Variants in MRPS35 observed in about 807,000 individuals in gnomAD.
The protein encoded by MRPS35 is small ribosomal subunit protein mS35.
In MRPS35, 29 loss-of-function variants were observed where a neutral mutation model predicts 32.7. The ratio of observed to expected loss-of-function variants is 0.89; its 90% CI spans 0.66 to 1.21. The LOEUF (loss-of-function observed/expected upper bound fraction) is 1.21, where lower values mean the gene tolerates loss of function less well. Ranked by LOEUF, MRPS35 falls within the 50% of genes most tolerant of loss-of-function variation. MRPS35 has a pLI of 0.00. For missense variants in MRPS35, 373 were observed against 383.8 expected, an observed-to-expected ratio of 0.97 and a Z score of 0.23; for synonymous variants, 148 against 139.3, an observed-to-expected ratio of 1.06 and a Z score of -0.44.
intron 7 of MRPS35, among the ~76,000 whole-genome samples, chr12:27,742,034 A>G (rs896532972): frequency 1.3e-5 from 2 of 152,200 alleles, no homozygotes; most frequent in Non-Finnish European, 2.9e-5. Context: ...AGGCTGGGGC[A>G]GGAGGATCTG....
chr12:27,742,934 G>A (rs1265744076), intron 7 of MRPS35, among the ~76,000 whole-genome samples: 1 of 151,960 alleles, frequency 6.6e-6, no homozygotes, highest in African/African-American at 2.4e-5. Flanking sequence ...ATAGCTCACT[G>A]CATGCAGCCT....
Position 27,751,282 on chromosome 12 carries a change from G to A in MRPS35, c.703-3899G>A, listed in dbSNP as rs369906790. On this transcript the variant is annotated intron_variant, in intron 7 of 7. Transcript: ENST00000081029. Reference sequence around the variant, plus strand: ...CTTACTAATGACTTTAAACCATAGTGATTTTCTTCTATAAATATACATTAT... The same window carrying A: ...CTTACTAATGACTTTAAACCATAGTAATTTTCTTCTATAAATATACATTAT... Among the ~76,000 whole-genome samples the A allele has an allele frequency of 2.6e-5, 4 of 152,192 alleles. No homozygotes were observed. The East Asian group carries it at 5.8e-4, about 22-fold the overall frequency.
chr12:27,747,922 G>A (rs1478209428), intron 7 of MRPS35, among the ~76,000 whole-genome samples: 1 of 152,198 alleles, frequency 6.6e-6, no homozygotes, highest in Non-Finnish European at 1.5e-5. Flanking sequence ...CGAGCAGTGT[G>A]GTTTTGGGCA....
At chr12:27,753,800 T>G (rs1354115463) in intron 7 of MRPS35, among the ~76,000 whole-genome samples, 1 of 152,204 alleles carries the variant, frequency 6.6e-6, no homozygotes, top group Admixed American at 6.5e-5. Flanking sequence ...TTTCACAGAC[T>G]GTTACATCTC....
rs1465726522 is a variant in MRPS35 at position 27,755,334 on chromosome 12, A to G, written c.856A>G (p.Thr286Ala). 4 of 1,611,128 alleles carry G rather than the reference A, an allele frequency of 2.5e-6. No individual in the cohort carries two copies. In the South Asian group the frequency reaches 4.5e-5, roughly 18 times the overall value. Reference protein sequence around the residue: ...MEINKEELLGTKEIEEYKKSV... With the variant: ...MEINKEELLGAKEIEEYKKSV... ...AATAAATAAAGAAGAGCTCCTTGGT[A>G]CTAAAGAAATTGAAGAGTACAAAAA... The change falls in exon 8 of 8, where the codon ACT (threonine) becomes GCT (alanine). Residue 286 changes from threonine to alanine, a missense_variant. Physicochemically the swap from Thr to Ala is moderately conservative, Grantham distance 58. Transcript: ENST00000081029.
intron 7 of MRPS35, among the ~76,000 whole-genome samples, chr12:27,752,356 G>T (rs1051959716): frequency 6.6e-6 from 1 of 152,200 alleles, no homozygotes; most frequent in Non-Finnish European, 1.5e-5. Flanking sequence ...TACACCAAAT[G>T]TAAGGGGAAG....
At chr12:27,727,951 T>C (rs775908888) in intron 5 of MRPS35, among the ~76,000 whole-genome samples, 2 of 152,148 alleles carry the variant, frequency 1.3e-5, no homozygotes, top group African/African-American at 2.4e-5. Flanking sequence ...TAATGCCTAA[T>C]ACAACGTAAA....
chr12:27,725,677 T>A (rs2061896759), intron 5 of MRPS35: 1 of 160,004 alleles, frequency 6.2e-6, no homozygotes, highest in Admixed American at 6.4e-5. Flanking sequence ...GGTAAAAAAT[T>A]TGTCTTATAT....
chr12:27,719,974 G>A (rs1008854877), intron 4 of MRPS35, 106 bp downstream of exon 4: 3 of 811,206 alleles, frequency 3.7e-6, no homozygotes, highest in African/African-American at 3.5e-5. Context: ...TGTTTTCAGT[G>A]AATTGTTACA....
chr12:27,755,087 A>G (rs2062020805), intron 7 of MRPS35, 94 bp from the exon 8 acceptor site: 5 of 683,204 alleles, frequency 7.3e-6, no homozygotes, highest in Admixed American at 5.1e-5. Context: ...AAAAGGAAGG[A>G]AAAAAAAAAA....
At chr12:27,728,491 A>T (rs1346013601) in intron 5 of MRPS35, among the ~76,000 whole-genome samples, 1 of 152,126 alleles carries the variant, frequency 6.6e-6, no homozygotes, top group Non-Finnish European at 1.5e-5. Context: ...AATTAAGGAG[A>T]TGTTTCCTAT....
At chr12:27,719,925 A>C in intron 4 of MRPS35, 57 bp downstream of exon 4, 1 of 1,261,426 alleles carries the variant, frequency 7.9e-7, no homozygotes, top group South Asian at 1.2e-5. Flanking sequence ...AAATTTAAGA[A>C]TCTCTGTTCT....
At chr12:27,731,546 G>A (rs975553369) in intron 5 of MRPS35, among the ~76,000 whole-genome samples, 1 of 152,086 alleles carries the variant, frequency 6.6e-6, no homozygotes, top group Non-Finnish European at 1.5e-5. Flanking sequence ...TATCAGGGCT[G>A]TACCAATTTT....
At chr12:27,723,628 C>G (rs1486450180) in intron 4 of MRPS35, among the ~76,000 whole-genome samples, 1 of 152,168 alleles carries the variant, frequency 6.6e-6, no homozygotes, top group African/African-American at 2.4e-5. Context: ...TTCCTTTCAG[C>G]TGATCTTTAG....
intron 3 of MRPS35, 63 bp from the exon 4 acceptor site, chr12:27,719,745 G>A: frequency 9.8e-7 from 1 of 1,022,030 alleles, no homozygotes; most frequent in Non-Finnish European, 1.5e-6. Flanking sequence ...TTTATGAGAA[G>A]ATTATCTTTT....
intron 7 of MRPS35, among the ~76,000 whole-genome samples, chr12:27,747,979 G>A (rs867273612): frequency 1.7e-4 from 26 of 152,314 alleles, no homozygotes; most frequent in Non-Finnish European, 2.6e-4. Flanking sequence ...TGTAAAACAG[G>A]TGATAATAGT....
At position 27,735,510 on chromosome 12, in the gene MRPS35, G is replaced by A. The variant is rs771185488; in HGVS notation, c.586G>A (p.Glu196Lys). ...GAAGAAATTAATTAAACTTGTAGGAGAGCGATACTGCAAGACCACAGATGT... is the reference window on the plus strand; with the variant it reads ...GAAGAAATTAATTAAACTTGTAGGAAAGCGATACTGCAAGACCACAGATGT... ...AKKKLIKLVGERYCKTTDVLT... is the reference protein window; with the variant it reads ...AKKKLIKLVGKRYCKTTDVLT... Residue 196 changes from glutamate (E) to lysine (K), a missense_variant, in exon 6 of 8, where the codon GAG becomes AAG. Transcript: ENST00000081029. The A allele has an allele frequency of 6.2e-6, 10 of 1,612,354 alleles. No homozygotes were observed. The Admixed American group carries it at 1.0e-4, about 16-fold the overall frequency.
intron 5 of MRPS35, among the ~76,000 whole-genome samples, chr12:27,725,245 C>T (rs1289381020): frequency 1.3e-5 from 2 of 152,124 alleles, no homozygotes; most frequent in Non-Finnish European, 1.5e-5. Flanking sequence ...CATAGAATAA[C>T]GTATAAATGA....
chr12:27,721,447 C>T (rs952799324), intron 4 of MRPS35, among the ~76,000 whole-genome samples: 1 of 152,106 alleles, frequency 6.6e-6, no homozygotes, highest in Admixed American at 6.5e-5. Flanking sequence ...TGCTTGAGCT[C>T]AGGAGTTCAA....
Sources: gnomAD v4.1 joint callset for allele counts (sites outside exome capture counted in the v4.1 genomes callset) on GRCh38, gnomAD v4.1.1 for gene constraint, MANE v1.5 for transcripts, NCBI Gene and HGNC (gene_info 2026-07-23, HGNC 2026-07-21) for gene names.